The following PRKG1 variants were observed in gnomAD, a reference collection of about 807,000 sequenced individuals.
PRKG1 encodes protein kinase cGMP-dependent 1.
PRKG1 carries 35 observed loss-of-function variants against 88.1 expected under a neutral mutation model. That is an observed-to-expected ratio of 0.40 (90% CI 0.30 to 0.53). PRKG1 has a LOEUF of 0.53. Ranked by LOEUF, PRKG1 falls within the 20% of genes least tolerant of loss-of-function variation. The probability of loss-of-function intolerance (pLI) is 0.59; values close to 1 mark genes in which losing one functional copy is unlikely to be tolerated. For missense variants in PRKG1, 540 were observed against 839.8 expected, an observed-to-expected ratio of 0.64 and a Z score of 4.41; for synonymous variants, 303 against 292.5, an observed-to-expected ratio of 1.04 and a Z score of -0.37.
intron 5 of PRKG1, among the ~76,000 whole-genome samples, chr10:52,003,736 A>G (rs1372211399): frequency 6.6e-6 from 1 of 152,202 alleles, no homozygotes; most frequent in East Asian, 1.9e-4. Context: ...ATGGATACAT[A>G]TAGGAGACAC....
At chr10:51,905,478 A>G (rs1297377461) in intron 4 of PRKG1, among the ~76,000 whole-genome samples, 2 of 152,202 alleles carry the variant, frequency 1.3e-5, no homozygotes, top group African/African-American at 4.8e-5. Flanking sequence ...ATACAAATGT[A>G]TATGCACTCA....
intron 2 of PRKG1, among the ~76,000 whole-genome samples, chr10:51,247,038 C>T (rs546200833): frequency 1.8e-4 from 27 of 151,792 alleles, no homozygotes; most frequent in Non-Finnish European, 2.9e-4. Context: ...AGACATAATT[C>T]GAAAAGAGAA....
At chr10:51,723,937 A>G (rs1842072140) in intron 3 of PRKG1, among the ~76,000 whole-genome samples, 1 of 152,196 alleles carries the variant, frequency 6.6e-6, no homozygotes, top group African/African-American at 2.4e-5. Context: ...GTTTCAACTG[A>G]TAAGGGGTGG....
intron 3 of PRKG1, among the ~76,000 whole-genome samples, chr10:51,546,325 G>C (rs559512604): frequency 6.6e-6 from 1 of 151,962 alleles, no homozygotes; most frequent in Admixed American, 6.6e-5. Flanking sequence ...TAGAGGTTTA[G>C]TCTGAAAATG....
At chr10:51,628,731 G>A (rs1026249863) in intron 3 of PRKG1, among the ~76,000 whole-genome samples, 2 of 150,974 alleles carry the variant, frequency 1.3e-5, no homozygotes, top group African/African-American at 4.9e-5. Context: ...AGGCCGAGGC[G>A]GGTGGATCAT....
intron 1 of PRKG1, among the ~76,000 whole-genome samples, chr10:51,105,995 A>G (rs1844824173): frequency 6.6e-6 from 1 of 152,230 alleles, no homozygotes; most frequent in South Asian, 2.1e-4. Flanking sequence ...AAAAATAGCA[A>G]TGAGCAATCA....
chr10:52,183,715 A>G (rs937377439), intron 9 of PRKG1, among the ~76,000 whole-genome samples: 1 of 152,150 alleles, frequency 6.6e-6, no homozygotes, highest in African/African-American at 2.4e-5. Flanking sequence ...TGGTCTCAAG[A>G]TGGTGCCATG....
chr10:51,130,928 A>G (rs941777854), intron 1 of PRKG1, among the ~76,000 whole-genome samples: 5 of 152,170 alleles, frequency 3.3e-5, no homozygotes, highest in African/African-American at 1.2e-4. Flanking sequence ...AAAAAAAGAA[A>G]AAAGAAAAAG....
chr10:52,213,898 T>G (rs1444496899), intron 9 of PRKG1, among the ~76,000 whole-genome samples: 1 of 152,222 alleles, frequency 6.6e-6, no homozygotes, highest in African/African-American at 2.4e-5. Context: ...CCTTGATATT[T>G]ACAAATAACA....
intron 7 of PRKG1, among the ~76,000 whole-genome samples, chr10:52,109,988 C>A (rs1443355201): frequency 6.6e-6 from 1 of 151,742 alleles, no homozygotes; most frequent in Non-Finnish European, 1.5e-5. Flanking sequence ...TGTAACAGTG[C>A]AAAGATCAGG....
At chr10:52,083,249 C>A (rs1379299510) in intron 7 of PRKG1, among the ~76,000 whole-genome samples, 6 of 151,916 alleles carry the variant, frequency 3.9e-5, no homozygotes, top group Non-Finnish European at 8.8e-5. Flanking sequence ...TCGTTCTTTG[C>A]ATAATTTTAC....
chr10:51,119,829 T>A (rs771126162), intron 1 of PRKG1, among the ~76,000 whole-genome samples: 2 of 152,078 alleles, frequency 1.3e-5, no homozygotes, highest in Non-Finnish European at 2.9e-5. Flanking sequence ...AAATAATTAA[T>A]TTTTTAGTCA....
At chr10:52,281,814 G>A (rs966988400) in intron 13 of PRKG1, among the ~76,000 whole-genome samples, 2 of 152,056 alleles carry the variant, frequency 1.3e-5, no homozygotes, top group African/African-American at 2.4e-5. Flanking sequence ...CCAACTGGTC[G>A]TTAACAATTT....
intron 3 of PRKG1, among the ~76,000 whole-genome samples, chr10:51,507,604 T>C (rs1003953220): frequency 2.0e-5 from 3 of 152,160 alleles, no homozygotes; most frequent in African/African-American, 7.2e-5. Context: ...GGACACTGAT[T>C]AAACTTTTAC....
chr10:52,205,546 T>C (rs575503100), intron 9 of PRKG1, among the ~76,000 whole-genome samples: 24 of 152,320 alleles, frequency 1.6e-4, no homozygotes, highest in Non-Finnish European at 3.4e-4. Flanking sequence ...TTTTGGTGGC[T>C]GGTAATGGTC....
rs188510547 is a variant in PRKG1 at position 52,203,607 on chromosome 10, G to A, written c.1076+41644G>A. Among the ~76,000 whole-genome samples the A allele has an allele frequency of 2.2e-3, 335 of 152,264 alleles. 1 individual carries two copies. Among genetic ancestry groups the A allele is most frequent in the African/African-American group, 7.1e-3 (293 of 41,556 alleles). Reference sequence around the variant, plus strand: ...TCTGCCTCAATGATCTATCTAACAAGTGGTGTGTAGAAGTCTCCCACTATT... The same window carrying A: ...TCTGCCTCAATGATCTATCTAACAAATGGTGTGTAGAAGTCTCCCACTATT... On this transcript the variant is annotated intron_variant, in intron 9 of 17. Transcript: ENST00000373980.
intron 5 of PRKG1, among the ~76,000 whole-genome samples, chr10:51,923,609 A>G (rs1242069204): frequency 3.3e-5 from 5 of 151,220 alleles, no homozygotes; most frequent in African/African-American, 7.3e-5. Context: ...AATTCAGGCC[A>G]TCTTTCAATT....
intron 2 of PRKG1, among the ~76,000 whole-genome samples, chr10:51,198,076 G>A (rs950986788): frequency 1.3e-5 from 2 of 152,010 alleles, no homozygotes; most frequent in African/African-American, 4.8e-5. Flanking sequence ...TTTTGTTTAT[G>A]AAACATATGA....
intron 9 of PRKG1, among the ~76,000 whole-genome samples, chr10:52,164,292 C>T (rs550234600): frequency 6.6e-6 from 1 of 151,690 alleles, no homozygotes; most frequent in South Asian, 2.1e-4. Context: ...TGGAGGTTGC[C>T]GTGAGCCAAG....
Sources: gnomAD v4.1 joint callset for allele counts (sites outside exome capture counted in the v4.1 genomes callset) on GRCh38, gnomAD v4.1.1 for gene constraint, MANE v1.5 for transcripts, NCBI Gene and HGNC (gene_info 2026-07-23, HGNC 2026-07-21) for gene names.